The following RBM20 variants were observed in gnomAD, a reference collection of about 807,000 sequenced individuals.
RBM20 encodes the protein RNA binding motif protein 20, also known as RNA-binding protein 20.
In RBM20, 51 loss-of-function variants were observed where a neutral mutation model predicts 110.1. That is an observed-to-expected ratio of 0.46 (90% confidence interval 0.37 to 0.59). The LOEUF is 0.59. RBM20 is among the 20% of genes least tolerant of loss of function. The pLI is 0.00. For missense variants in RBM20, 1,512 were observed against 1,574.9 expected, an observed-to-expected ratio of 0.96 and a Z score of 0.68; for synonymous variants, 589 against 618.2, an observed-to-expected ratio of 0.95 and a Z score of 0.70.
At position 110,712,546 on chromosome 10, in the gene RBM20, C is replaced by T. The variant is rs536310050; in HGVS notation, c.191+67901C>T. 5.9e-5 allele frequency among the ~76,000 whole-genome samples: 9 copies of T among 152,286 alleles called. No homozygotes were observed. In the East Asian group the frequency reaches 1.7e-3, roughly 29 times the overall value. Reference sequence around the variant, plus strand: ...TTTTGGGAGGCCAAGGCGGGTGGATCACTTGAGGTCAGGAGTTTGAGACCA... The same window carrying T: ...TTTTGGGAGGCCAAGGCGGGTGGATTACTTGAGGTCAGGAGTTTGAGACCA... On this transcript the variant is annotated intron_variant, in intron 1 of 13. Coordinates refer to ENST00000369519, the MANE Select transcript of RBM20 (RefSeq NM_001134363.3).
At chr10:110,797,009 T>G (rs926656929) in intron 5 of RBM20, among the ~76,000 whole-genome samples, 1 of 152,232 alleles carries the variant, frequency 6.6e-6, no homozygotes, top group Non-Finnish European at 1.5e-5. Flanking sequence ...GGGCTCTGTA[T>G]ACTTTGTTTT....
rs1845170616 is a variant in RBM20 at position 110,839,001 on chromosome 10, T to C, written c.*3023T>C. 6.6e-6 allele frequency: 1 copy of C among 152,230 alleles called. No homozygotes were observed. Among genetic ancestry groups the C allele is most frequent in the African/African-American group, 2.4e-5 (1 of 41,458 alleles). 9.4% of individuals were successfully genotyped at this position (152,230 alleles called of 1,614,324 possible). A position where few individuals can be genotyped will look rare whatever the true frequency, so the allele number is the denominator to read the frequency against. On this transcript the variant is annotated 3_prime_UTR_variant, in exon 14 of 14. Transcript: ENST00000369519. ...ATTTTTTAAAGCTTTTCTTCAGTGTTTTGTCAACCATTTCAAAGTGTCTCC... is the reference window on the plus strand; with the variant it reads ...ATTTTTTAAAGCTTTTCTTCAGTGTCTTGTCAACCATTTCAAAGTGTCTCC...
chr10:110,681,892 T>TTG (rs1862428228), intron 1 of RBM20, among the ~76,000 whole-genome samples: 1 of 151,894 alleles, frequency 6.6e-6, no homozygotes, highest in Non-Finnish European at 1.5e-5. Flanking sequence ...TGCTTTTTTT[T>TTG]TTGTTGTTGT....
chr10:110,674,607 A>C (rs1341139859), intron 1 of RBM20, among the ~76,000 whole-genome samples: 1 of 152,238 alleles, frequency 6.6e-6, no homozygotes, highest in Non-Finnish European at 1.5e-5. Context: ...GAATCTGTTT[A>C]ATCCAAATAA....
intron 1 of RBM20, among the ~76,000 whole-genome samples, chr10:110,670,815 G>GA (rs905420304): frequency 7.9e-5 from 12 of 152,108 alleles, no homozygotes; most frequent in Admixed American, 2.6e-4. Flanking sequence ...ATTCTTGAAA[G>GA]AAAAAATATT....
intron 1 of RBM20, among the ~76,000 whole-genome samples, chr10:110,660,016 C>T (rs937536164): frequency 6.6e-6 from 1 of 151,870 alleles, no homozygotes. Context: ...CCGGTTTTCA[C>T]CATGTTGCTC....
intron 13 of RBM20, among the ~76,000 whole-genome samples, chr10:110,833,447 C>T (rs1845083505): frequency 6.8e-6 from 1 of 147,726 alleles, no homozygotes; most frequent in South Asian, 2.2e-4. Context: ...CTTGTTTTCT[C>T]ATTTTCTGTA....
At chr10:110,777,175 G>T in intron 1 of RBM20, among the ~76,000 whole-genome samples, 1 of 152,156 alleles carries the variant, frequency 6.6e-6, no homozygotes, top group East Asian at 1.9e-4. Flanking sequence ...TTTCTCTTGT[G>T]GAACTTATGT....
chr10:110,679,422 A>C (rs886221064), intron 1 of RBM20, among the ~76,000 whole-genome samples: 2 of 151,938 alleles, frequency 1.3e-5, no homozygotes, highest in African/African-American at 4.8e-5. Context: ...GGGTCTCACT[A>C]TGTTGCCCAG....
Position 110,654,952 on chromosome 10 carries a change from C to T in RBM20, c.191+10307C>T, listed in dbSNP as rs78909036. Among the ~76,000 whole-genome samples, 538 of 152,288 alleles carry T rather than the reference C, an allele frequency of 3.5e-3. 4 individuals carry two copies. The highest frequency in any genetic ancestry group is 0.013 in the African/African-American group (527 of 41,540). ...TCAATCCATTTACTTCAACAATAAT[C>T]CTGTGAGGTAAGTGTTGTTATTCTC... On this transcript the variant is annotated intron_variant, in intron 1 of 13. Coordinates refer to ENST00000369519, the MANE Select transcript of RBM20 (RefSeq NM_001134363.3).
intron 1 of RBM20, among the ~76,000 whole-genome samples, chr10:110,778,265 T>C (rs1590672252): frequency 6.6e-6 from 1 of 152,144 alleles, no homozygotes; most frequent in African/African-American, 2.4e-5. Flanking sequence ...CTGGGGAAGG[T>C]GGTGTCTTTT....
At chr10:110,680,885 C>T (rs956158961) in intron 1 of RBM20, among the ~76,000 whole-genome samples, 2 of 152,182 alleles carry the variant, frequency 1.3e-5, no homozygotes, top group African/African-American at 4.8e-5. Flanking sequence ...GTGCTCCCCT[C>T]TCCCCACTCA....
At chr10:110,792,444 T>C (rs918839057) in intron 5 of RBM20, among the ~76,000 whole-genome samples, 2 of 152,340 alleles carry the variant, frequency 1.3e-5, no homozygotes, top group Non-Finnish European at 2.9e-5. Flanking sequence ...CAAAGCACCG[T>C]ACATTCACGG....
At chr10:110,798,325 C>A (rs1844577626) in intron 6 of RBM20, among the ~76,000 whole-genome samples, 1 of 152,162 alleles carries the variant, frequency 6.6e-6, no homozygotes, top group African/African-American at 2.4e-5. Context: ...GAGGAACAGG[C>A]ATAGGAAAAA....
chr10:110,689,302 G>A lies in RBM20; in HGVS notation c.191+44657G>A, dbSNP rs1590618923. The stretch of plus-strand genomic sequence containing the variant: ...CTGCTGGAGGCCTGGGGACACAGGG[G>A]TGAGTGAGAGACAAAACCTGCCCTC... On this transcript the variant is annotated intron_variant, in intron 1 of 13. Transcript: ENST00000369519. Among the ~76,000 whole-genome samples the A allele has an allele frequency of 4.6e-5, 7 of 152,352 alleles. No individual in the cohort carries two copies. The South Asian group carries it at 1.2e-3, about 27-fold the overall frequency.
chr10:110,775,161 T>TA (rs1197772803), intron 1 of RBM20, among the ~76,000 whole-genome samples: 1 of 152,208 alleles, frequency 6.6e-6, no homozygotes. Context: ...AGCGTTGCAT[T>TA]TATTTGGCCA....
chr10:110,665,258 G>A (rs1448071068), intron 1 of RBM20, among the ~76,000 whole-genome samples: 2 of 152,182 alleles, frequency 1.3e-5, no homozygotes, highest in Non-Finnish European at 2.9e-5. Context: ...TGAATAATGA[G>A]TTTAGACAAT....
chr10:110,695,010 T>C (rs1404198548), intron 1 of RBM20, among the ~76,000 whole-genome samples: 1 of 152,188 alleles, frequency 6.6e-6, no homozygotes, highest in Non-Finnish European at 1.5e-5. Context: ...TGAGTTACAT[T>C]TTGATTGACA....
chr10:110,643,914 C>A (rs1302229662), upstream of RBM20, among the ~76,000 whole-genome samples: 1 of 152,188 alleles, frequency 6.6e-6, no homozygotes, highest in Non-Finnish European at 1.5e-5. Context: ...ACGTCCCGGG[C>A]GCGCTCGGTC....
Sources: gnomAD v4.1 joint callset for allele counts (sites outside exome capture counted in the v4.1 genomes callset) on GRCh38, gnomAD v4.1.1 for gene constraint, MANE v1.5 for transcripts, NCBI Gene and HGNC (gene_info 2026-07-23, HGNC 2026-07-21) for gene names.